SLC18A2: variants seen among roughly 807,000 people sequenced by gnomAD.
SLC18A2 encodes synaptic vesicular amine transporter.
SLC18A2 carries 33 observed loss-of-function variants against 59.2 expected under a neutral mutation model. The ratio of observed to expected loss-of-function variants is 0.56; its 90% CI spans 0.42 to 0.75. SLC18A2 has a LOEUF of 0.75. Ranked by LOEUF, SLC18A2 falls within the 30% of genes least tolerant of loss-of-function variation. The pLI is 0.00. For missense variants in SLC18A2, 569 were observed against 668.6 expected (o/e 0.85, Z 1.64); for synonymous variants, 228 against 253.5 (o/e 0.90, Z 0.95).
In SLC18A2 at chr10:117,267,052, A is replaced by G. The variant is rs748733672; in HGVS notation, c.1122+17A>G. ...ATTTTATGTGTGAGTAAAAGATGGC[A>G]TTTGACAAGTGGGAACAATCTGTGA... On this transcript the variant is annotated intron_variant, in intron 12 of 15. Coordinates refer to ENST00000644641, the MANE Select transcript of SLC18A2 (RefSeq NM_003054.6). The G allele has an allele frequency of 6.3e-7, 1 of 1,599,918 alleles. No individual in the cohort carries two copies. The highest frequency in any genetic ancestry group is 8.6e-7 in the Non-Finnish European group (1 of 1,168,468).
intron 4 of SLC18A2, among the ~76,000 whole-genome samples, chr10:117,253,794 C>T (rs929642229): frequency 1.3e-5 from 2 of 152,188 alleles, no homozygotes; most frequent in East Asian, 1.9e-4. Flanking sequence ...TGCAGTAAGC[C>T]GAGATTGCAC....
At chr10:117,255,696 G>C (rs1844221968) in intron 9 of SLC18A2, 39 bp downstream of exon 9, 1 of 1,593,228 alleles carries the variant, frequency 6.3e-7, no homozygotes, top group Non-Finnish European at 8.6e-7. Context: ...GGGAATGCGA[G>C]GTGATGGCCG....
At chr10:117,255,548 G>C in intron 8 of SLC18A2, 26 bp downstream of exon 8, 2 of 1,614,088 alleles carry the variant, frequency 1.2e-6, no homozygotes, top group South Asian at 1.1e-5. Context: ...TGAGGGCCCT[G>C]GGGGAGGGGG....
At chr10:117,274,149 T>G (rs1230087073) in intron 15 of SLC18A2, among the ~76,000 whole-genome samples, 3 of 152,248 alleles carry the variant, frequency 2.0e-5, no homozygotes, top group Admixed American at 2.0e-4. Flanking sequence ...CCTGGCTTAT[T>G]TGTGTATAAC....
intron 10 of SLC18A2, among the ~76,000 whole-genome samples, chr10:117,261,329 CAG>C (rs1208594798): frequency 1.3e-5 from 2 of 152,196 alleles, no homozygotes; most frequent in Admixed American, 1.3e-4. Context: ...GCCCAGGAGA[CAG>C]AGTTTTGCTC....
chr10:117,255,444 A>G, intron 7 of SLC18A2, 35 bp from the exon 8 acceptor site: 1 of 1,614,064 alleles, frequency 6.2e-7, no homozygotes. Context: ...CTGCTTTCTG[A>G]AGAGGGGCTT....
intron 13 of SLC18A2, 139 bp downstream of exon 13, chr10:117,267,875 A>T (rs1589984468): frequency 1.8e-6 from 1 of 560,518 alleles, no homozygotes; most frequent in Non-Finnish European, 3.2e-6. Context: ...TAGCTAAATT[A>T]CAGCCTGTCG....
intron 2 of SLC18A2, 45 bp from the exon 3 acceptor site, chr10:117,243,926 G>C (rs891088380): frequency 6.7e-7 from 1 of 1,498,060 alleles, no homozygotes; most frequent in African/African-American, 1.4e-5. Context: ...TCCTGGAGAG[G>C]GTTTCAGTGT....
chr10:117,267,241 A>T (rs1844358955), intron 12 of SLC18A2: 1 of 559,784 alleles, frequency 1.8e-6, no homozygotes, highest in Non-Finnish European at 3.1e-6. Flanking sequence ...GAAATTATTT[A>T]AAATGTTTTA....
At chr10:117,271,817 G>T (rs1844430674) in intron 15 of SLC18A2, among the ~76,000 whole-genome samples, 1 of 152,198 alleles carries the variant, frequency 6.6e-6, no homozygotes, top group Non-Finnish European at 1.5e-5. Context: ...AATGGAGTCA[G>T]AAAATTCTCA....
Position 117,267,672 on chromosome 10 carries a change from G to T in SLC18A2, c.1123-1G>T. On this transcript the variant is annotated splice_acceptor_variant, in intron 12 of 15. Coordinates refer to ENST00000644641, the MANE Select transcript of SLC18A2 (RefSeq NM_003054.6). LOFTEE classifies it high-confidence loss of function. ...AGCATAATGTTTATTTCCTCTTACA[G>T]ATTCCATTTGCAAAAAACATTTATG... 1 of 1,561,594 alleles carries T rather than the reference G, an allele frequency of 6.4e-7. No homozygotes were observed. The highest frequency in any genetic ancestry group is 8.8e-7 in the Non-Finnish European group (1 of 1,139,628).
chr10:117,273,255 A>C (rs1278692477), intron 15 of SLC18A2, among the ~76,000 whole-genome samples: 1 of 152,196 alleles, frequency 6.6e-6, no homozygotes, highest in Non-Finnish European at 1.5e-5. Context: ...ACTGTTACTC[A>C]AGTCCCTCTG....
rs745855361 is a variant in SLC18A2, at chr10:117,241,724, T to C, written c.31T>C (p.Trp11Arg). 6.2e-7 allele frequency: 1 copy of C among 1,606,004 alleles called. No individual in the cohort carries two copies. ...CCTGAGCGAGCTGGCGCTGGTCCGC[T>C]GGCTGCAGGAGAGCCGCCGCTCGCG... MALSELALVR[W>R]LQESRRSRKL... The change falls in exon 2 of 16, where the codon TGG becomes CGG. Residue 11 changes from tryptophan to arginine, a missense_variant. Trp to Arg is a moderately radical substitution (Grantham distance 101, BLOSUM62 -3). Transcript: ENST00000644641.
At chr10:117,262,535 C>T (rs1422164123) in intron 10 of SLC18A2, among the ~76,000 whole-genome samples, 40 of 152,010 alleles carry the variant, frequency 2.6e-4, no homozygotes. Flanking sequence ...CCCAGCTTTT[C>T]TTCCCTCTGG....
Position 117,245,699 on chromosome 10 carries a change from C to T in SLC18A2, c.464+1386C>T, listed in dbSNP as rs565052455. 2.0e-5 allele frequency among the ~76,000 whole-genome samples: 3 copies of T among 151,992 alleles called. No homozygotes were observed. In the South Asian group the frequency reaches 6.3e-4, roughly 32 times the overall value. ...CAAGCTCTGAGAGCAGAGCCCTGTGCGACTCTAGGGTTAGGGGCACCGAGA... is the reference window on the plus strand; with the variant it reads ...CAAGCTCTGAGAGCAGAGCCCTGTGTGACTCTAGGGTTAGGGGCACCGAGA... On this transcript the variant is annotated intron_variant, in intron 3 of 15. Transcript: ENST00000644641.
chr10:117,244,185 T>C lies in SLC18A2; in HGVS notation c.336T>C (p.Ala112=). The change falls in exon 3 of 16, where the codon GCT becomes GCC. Residue 112 remains alanine (A), a synonymous_variant. Coordinates refer to ENST00000644641, the MANE Select transcript of SLC18A2 (RefSeq NM_003054.6). The part of the protein sequence containing the change: ...ATQHMVTNAS[A]VPSDCPSEDK... ...AGCACATGGTGACCAACGCGTCCGCTGTTCCTTCCGACTGTCCCAGTGAAG... is the reference window on the plus strand; with the variant it reads ...AGCACATGGTGACCAACGCGTCCGCCGTTCCTTCCGACTGTCCCAGTGAAG... 1 of 1,614,208 alleles carries C rather than the reference T, an allele frequency of 6.2e-7. No individual in the cohort carries two copies. The highest frequency in any genetic ancestry group is 2.2e-5 in the East Asian group (1 of 44,880).
Position 117,241,701 on chromosome 10 carries a change from T to G in SLC18A2, c.8T>G (p.Leu3Arg). 3 of 1,595,546 alleles carry G rather than the reference T, an allele frequency of 1.9e-6. No homozygotes were observed. Among genetic ancestry groups the G allele is most frequent in the East Asian group, 2.3e-5 (1 of 43,776 alleles). Reference sequence around the variant, plus strand: ...CAGCGGAGCCCCGGAGCCATGGCCCTGAGCGAGCTGGCGCTGGTCCGCTGG... The same window carrying G: ...CAGCGGAGCCCCGGAGCCATGGCCCGGAGCGAGCTGGCGCTGGTCCGCTGG... MA[L>R]SELALVRWLQ... Residue 3 changes from leucine to arginine, a missense_variant, in exon 2 of 16, where the codon CTG becomes CGG. Leu to Arg is a moderately radical substitution (Grantham distance 102). Transcript: ENST00000644641.
intron 9 of SLC18A2, among the ~76,000 whole-genome samples, chr10:117,256,269 A>T (rs1844228996): frequency 6.6e-6 from 1 of 152,118 alleles, no homozygotes; most frequent in Non-Finnish European, 1.5e-5. Context: ...TATCCAAGGG[A>T]CTGTTCCCCA....
intron 15 of SLC18A2, among the ~76,000 whole-genome samples, chr10:117,275,526 A>C (rs1397434605): frequency 6.6e-6 from 1 of 152,230 alleles, no homozygotes; most frequent in African/African-American, 2.4e-5. Context: ...TTTTAGTTGC[A>C]CATGACGCCC....
Sources: gnomAD v4.1 joint callset for allele counts (sites outside exome capture counted in the v4.1 genomes callset) on GRCh38, gnomAD v4.1.1 for gene constraint, MANE v1.5 for transcripts, NCBI Gene and HGNC (gene_info 2026-07-23, HGNC 2026-07-21) for gene names.